FBXW10: variants seen among roughly 807,000 people sequenced by gnomAD.
The protein encoded by FBXW10 is F-box and WD repeat domain containing 10.
FBXW10 carries 68 observed loss-of-function variants against 113.1 expected under a neutral mutation model. That is an observed-to-expected ratio of 0.60 (90% CI 0.49 to 0.74). The LOEUF is 0.74. Among genes scored for constraint, FBXW10 ranks in the 30% least tolerant of loss-of-function variants. FBXW10 has a pLI of 0.00. For missense variants in FBXW10, 753 were observed against 1,284.5 expected (o/e 0.59, Z 6.32); for synonymous variants, 289 against 481.6 (o/e 0.60, Z 5.24).
chr17:18,749,334 C>T (rs953439021), intron 2 of FBXW10, among the ~76,000 whole-genome samples: 2 of 151,252 alleles, frequency 1.3e-5, no homozygotes, highest in African/African-American at 4.9e-5. Context: ...GTCAGGAGAT[C>T]GAGACCATCC....
rs1336307266 is a variant in FBXW10 at position 18,769,932 on chromosome 17, TGC to T, written c.1854_1855del (p.Leu619ArgfsTer39). ...GCTACTCTGTTCCCTTCCAGGGAGG[TGC>T]TCGACGTGTCCCTTCTCTTCCTCCG... On this transcript the variant is annotated frameshift_variant, in exon 11 of 14. Transcript: ENST00000395665. LOFTEE classifies it high-confidence loss of function. The T allele has an allele frequency of 6.2e-7, 1 of 1,614,064 alleles. No homozygotes were observed. The highest frequency in any genetic ancestry group is 1.1e-5 in the South Asian group (1 of 91,072).
At chr17:18,763,359 T>C (rs1161286017) in intron 7 of FBXW10, among the ~76,000 whole-genome samples, 1 of 152,016 alleles carries the variant, frequency 6.6e-6, no homozygotes, top group Admixed American at 6.6e-5. Context: ...GGTTTCACCA[T>C]GTTAGCCAGG....
At chr17:18,772,308 G>C in intron 11 of FBXW10, 104 bp from the exon 12 acceptor site, 8 of 1,093,800 alleles carry the variant, frequency 7.3e-6, no homozygotes, top group Non-Finnish European at 1.1e-5. Context: ...CATCACCTGG[G>C]CACTGTTCCT....
At position 18,778,469 on chromosome 17, in the gene FBXW10, A is replaced by G; in HGVS notation, c.2336-6A>G. On this transcript the variant is annotated splice_polypyrimidine_tract_variant and splice_region_variant and intron_variant, in intron 13 of 13. Coordinates refer to ENST00000395665, the MANE Select transcript of FBXW10 (RefSeq NM_001267585.2). ...ATTTTTTAAAATTTTCTTTTTTTTG[A>G]AAAAGCAGATGATGTGGAGAAAGCA... The G allele has an allele frequency of 2.5e-6, 4 of 1,600,514 alleles. No individual in the cohort carries two copies. The highest frequency in any genetic ancestry group is 3.4e-6 in the Non-Finnish European group (4 of 1,175,762).
At chr17:18,777,631 C>A (rs1410421806) in intron 13 of FBXW10, among the ~76,000 whole-genome samples, 1 of 151,488 alleles carries the variant, frequency 6.6e-6, no homozygotes, top group Non-Finnish European at 1.5e-5. Flanking sequence ...GCAAGCTCTG[C>A]CTCCTGGGTT....
chr17:18,756,300 T>C, intron 6 of FBXW10, 146 bp downstream of exon 6: 2 of 707,568 alleles, frequency 2.8e-6, no homozygotes, highest in East Asian at 2.7e-5. Flanking sequence ...TGATCCCATG[T>C]AGACAATACC....
At chr17:18,751,218 C>G (rs2035162859) in intron 5 of FBXW10, among the ~76,000 whole-genome samples, 165 bp downstream of exon 5, 1 of 135,454 alleles carries the variant, frequency 7.4e-6, no homozygotes, top group African/African-American at 2.9e-5. Context: ...TTACAAGACA[C>G]TTCCTCTTTT....
chr17:18,750,709 A>G (rs1443354712), intron 4 of FBXW10, among the ~76,000 whole-genome samples: 3 of 152,002 alleles, frequency 2.0e-5, no homozygotes, highest in African/African-American at 7.2e-5. Context: ...GACCGTCTTT[A>G]CTGGTCCCCC....
At chr17:18,769,028 T>A (rs1398674082) in intron 10 of FBXW10, among the ~76,000 whole-genome samples, 2 of 146,692 alleles carry the variant, frequency 1.4e-5, no homozygotes, top group Non-Finnish European at 3.0e-5. Flanking sequence ...CTCTACCTCC[T>A]GGGTTCACGC....
intron 11 of FBXW10, among the ~76,000 whole-genome samples, chr17:18,771,643 T>G (rs570001125): frequency 6.2e-4 from 94 of 152,258 alleles, no homozygotes; most frequent in South Asian, 1.9e-3. Flanking sequence ...GGCCTCCCCA[T>G]TAGAGAGCTT....
chr17:18,768,026 T>TTCCTTTCTTC (rs2035532886), intron 9 of FBXW10, among the ~76,000 whole-genome samples: 1 of 135,680 alleles, frequency 7.4e-6, no homozygotes, highest in Non-Finnish European at 1.6e-5. Context: ...TTCCTTCCTT[T>TTCCTTTCTTC]CTTCCTTCCT....
chr17:18,744,797 G>A (rs1480257768), intron 1 of FBXW10, 48 bp downstream of exon 1: 5 of 1,586,440 alleles, frequency 3.2e-6, no homozygotes, highest in Non-Finnish European at 3.4e-6. Context: ...AAGACCAGAA[G>A]GCAAGGCTTC....
chr17:18,746,048 G>A (rs1476990306), intron 1 of FBXW10, among the ~76,000 whole-genome samples: 1 of 152,178 alleles, frequency 6.6e-6, no homozygotes, highest in Non-Finnish European at 1.5e-5. Context: ...GGAAATCAAT[G>A]TATCATGAGG....
intron 13 of FBXW10, among the ~76,000 whole-genome samples, 157 bp downstream of exon 13, chr17:18,775,349 C>T (rs188975698): frequency 3.2e-4 from 48 of 152,296 alleles, no homozygotes; most frequent in Non-Finnish European, 4.6e-4. Context: ...ACTCTAGTTT[C>T]GTATTGTTTT....
chr17:18,771,904 T>G (rs2151828805), intron 11 of FBXW10, among the ~76,000 whole-genome samples: 1 of 152,182 alleles, frequency 6.6e-6, no homozygotes, highest in South Asian at 2.1e-4. Flanking sequence ...GTCCTGGAGT[T>G]TGAGCCCAGC....
chr17:18,751,713 C>A (rs150234775), intron 5 of FBXW10, among the ~76,000 whole-genome samples: 2 of 152,224 alleles, frequency 1.3e-5, no homozygotes, highest in African/African-American at 4.8e-5. Flanking sequence ...CCTCTGGAGG[C>A]TCCAGCATCT....
chr17:18,749,546 CA>C (rs11336827), intron 2 of FBXW10, among the ~76,000 whole-genome samples, 175 bp from the exon 3 acceptor site: 82,778 of 147,766 alleles, frequency 0.56, 23,114 homozygotes, highest in Middle Eastern at 0.61. Flanking sequence ...GACTCCGTCT[CA>C]AAAAAAAAAA....
At chr17:18,745,694 G>A (rs1454889857) in intron 1 of FBXW10, among the ~76,000 whole-genome samples, 2 of 152,178 alleles carry the variant, frequency 1.3e-5, no homozygotes, top group Non-Finnish European at 2.9e-5. Flanking sequence ...GATTACAGGC[G>A]TGAGCCACTG....
intron 10 of FBXW10, among the ~76,000 whole-genome samples, 192 bp downstream of exon 10, chr17:18,768,868 C>T (rs1028786165): frequency 2.0e-5 from 3 of 151,972 alleles, no homozygotes; most frequent in African/African-American, 7.3e-5. Flanking sequence ...GACTGTTAAC[C>T]TCTTCTACTC....
Sources: allele counts gnomAD v4.1 joint callset (sites outside exome capture counted in the v4.1 genomes callset), GRCh38; gene constraint gnomAD v4.1.1; transcripts MANE v1.5; gene names NCBI Gene and HGNC (gene_info 2026-07-23, HGNC 2026-07-21).